TMEM62: variants seen among roughly 807,000 people sequenced by gnomAD.
TMEM62 encodes the protein transmembrane protein 62.
In TMEM62, 41 loss-of-function variants were observed where a neutral mutation model predicts 70.4. That is an observed-to-expected ratio of 0.58 (90% CI 0.45 to 0.76). The LOEUF is 0.76. Ranked by LOEUF, TMEM62 falls within the 30% of genes least tolerant of loss-of-function variation. TMEM62 has a pLI of 0.00. For missense variants in TMEM62, 688 were observed against 788.5 expected (o/e 0.87, Z 1.53); for synonymous variants, 268 against 291.0 (o/e 0.92, Z 0.80).
At chr15:43,167,451 GCGGCC>G (rs1284391731) in intron 10 of TMEM62, among the ~76,000 whole-genome samples, 3 of 151,894 alleles carry the variant, frequency 2.0e-5, no homozygotes, top group African/African-American at 7.3e-5. Context: ...CTCAGACGGG[GCGGCC>G]CGGCAGAGAC....
At chr15:43,134,477 C>A in intron 2 of TMEM62, 109 bp downstream of exon 2, 1 of 802,302 alleles carries the variant, frequency 1.2e-6, no homozygotes, top group Non-Finnish European at 2.1e-6. Context: ...ATAGCCACAG[C>A]CCCAGGTGAG....
intron 12 of TMEM62, among the ~76,000 whole-genome samples, chr15:43,179,566 A>C (rs1267694977): frequency 6.6e-6 from 1 of 152,234 alleles, no homozygotes. Flanking sequence ...CACATCTCTC[A>C]GAATGCATCC....
chr15:43,159,832 G>T (rs1259268708), intron 9 of TMEM62, among the ~76,000 whole-genome samples: 3 of 152,156 alleles, frequency 2.0e-5, no homozygotes, highest in Non-Finnish European at 4.4e-5. Flanking sequence ...AGCCTAGGTA[G>T]CTCATTACTG....
chr15:43,138,610 A>G lies in TMEM62; in HGVS notation c.467A>G (p.Asn156Ser). The G allele has an allele frequency of 6.2e-7, 1 of 1,604,896 alleles. No individual in the cohort carries two copies. The highest frequency in any genetic ancestry group is 8.5e-7 in the Non-Finnish European group (1 of 1,173,712). Residue 156 changes from asparagine (N) to serine (S), a missense_variant, in exon 4 of 14, where the codon AAT becomes AGT. Transcript: ENST00000260403. The stretch of plus-strand genomic sequence containing the variant: ...ATTCCAAGTCTGGACAGCATCAAGA[A>G]TTATTACAGGTACTGTAATAAACAG... Reference protein sequence around the residue: ...FNIPSLDSIKNYYRKYSAVRR... With the variant: ...FNIPSLDSIKSYYRKYSAVRR...
intron 6 of TMEM62, 38 bp downstream of exon 6, chr15:43,148,917 T>C (rs2037018760): frequency 6.2e-7 from 1 of 1,603,018 alleles, no homozygotes; most frequent in Non-Finnish European, 8.5e-7. Flanking sequence ...AATTTGTTTT[T>C]AGTTTTTTTA....
rs1270082176 is a variant in TMEM62 at position 43,178,728 on chromosome 15, A to T, written c.1486+17A>T. On this transcript the variant is annotated intron_variant, in intron 12 of 13. Coordinates refer to ENST00000260403, the MANE Select transcript of TMEM62 (RefSeq NM_024956.4). ...CAGTGCTGGGTAAGTAAATTAGTAC[A>T]GATTATGGGGAATTTTGCCAAAGAA... 6.7e-7 allele frequency: 1 copy of T among 1,495,454 alleles called. No individual in the cohort carries two copies. The highest frequency in any genetic ancestry group is 9.2e-7 in the Non-Finnish European group (1 of 1,088,530). The allele number at this position is 1,495,454 out of a possible 1,614,324, so 92.6% of individuals were successfully genotyped here. A position where few individuals can be genotyped will look rare whatever the true frequency, so the allele number is the denominator to read the frequency against.
At chr15:43,172,305 CTT>C (rs1165029728) in intron 11 of TMEM62, among the ~76,000 whole-genome samples, 1 of 152,122 alleles carries the variant, frequency 6.6e-6, no homozygotes, top group Non-Finnish European at 1.5e-5. Flanking sequence ...ATTCATCTAA[CTT>C]ATTTTTTAAC....
At chr15:43,159,950 T>A (rs577307338) in intron 9 of TMEM62, among the ~76,000 whole-genome samples, 23 of 152,146 alleles carry the variant, frequency 1.5e-4, no homozygotes, top group Non-Finnish European at 2.5e-4. Context: ...ACTCTTTAAA[T>A]GTAGAATTAT....
rs748149004 is a variant in TMEM62 at position 43,184,596 on chromosome 15, C to A, written c.*10C>A. ...CCACCTGAGCTCCTGAAGGCCATGT[C>A]TCACCACTGGCAGCTGGGCAGAAGC... On this transcript the variant is annotated 3_prime_UTR_variant, in exon 14 of 14. Coordinates refer to ENST00000260403, the MANE Select transcript of TMEM62 (RefSeq NM_024956.4). 1.2e-6 allele frequency: 2 copies of A among 1,605,144 alleles called. No individual in the cohort carries two copies. Among genetic ancestry groups the A allele is most frequent in the Non-Finnish European group, 1.7e-6 (2 of 1,178,330 alleles).
chr15:43,145,281 T>C (rs1427204727), intron 4 of TMEM62, among the ~76,000 whole-genome samples: 1 of 147,976 alleles, frequency 6.8e-6, no homozygotes, highest in African/African-American at 2.5e-5. Flanking sequence ...CTCCACTCAC[T>C]GCAAGCTCCG....
intron 1 of TMEM62, 109 bp from the exon 2 acceptor site, chr15:43,134,148 G>A (rs1042884084): frequency 5.1e-5 from 74 of 1,444,344 alleles, no homozygotes; most frequent in Non-Finnish European, 6.3e-5. Flanking sequence ...GGTTCGTTAT[G>A]CATTGCCTCT....
chr15:43,138,774 G>A (rs926337213), intron 4 of TMEM62, among the ~76,000 whole-genome samples, 155 bp downstream of exon 4: 1 of 152,140 alleles, frequency 6.6e-6, no homozygotes, highest in African/African-American at 2.4e-5. Flanking sequence ...GAGCTCAAAC[G>A]ATCCTCCTGC....
intron 9 of TMEM62, among the ~76,000 whole-genome samples, chr15:43,155,213 G>C (rs1007850718): frequency 1.3e-5 from 2 of 152,070 alleles, no homozygotes; most frequent in African/African-American, 2.4e-5. Context: ...CTGGGCAACA[G>C]AGCCAGACCC....
At chr15:43,136,723 G>T (rs1433530523) in intron 3 of TMEM62, among the ~76,000 whole-genome samples, 1 of 151,766 alleles carries the variant, frequency 6.6e-6, no homozygotes, top group Non-Finnish European at 1.5e-5. Context: ...TTCTAAAGTG[G>T]TGGGATTACA....
chr15:43,136,990 T>C (rs1182346830), intron 3 of TMEM62, among the ~76,000 whole-genome samples: 2 of 152,108 alleles, frequency 1.3e-5, no homozygotes, highest in African/African-American at 4.8e-5. Context: ...TGGGCTCAAG[T>C]GATCCTCCTA....
At position 43,151,772 on chromosome 15, in the gene TMEM62, T is replaced by C. The variant is rs1414955032; in HGVS notation, c.867-18T>C. ...AATGTGAAGTGACTAAATTACCTTA[T>C]CATTATCTGGTCTTTAGGTACCGGA... On this transcript the variant is annotated intron_variant, in intron 7 of 13. Transcript: ENST00000260403. The C allele has an allele frequency of 6.2e-7, 1 of 1,610,416 alleles. No homozygotes were observed. The highest frequency in any genetic ancestry group is 8.5e-7 in the Non-Finnish European group (1 of 1,178,396).
Position 43,146,595 on chromosome 15 carries a change from G to C in TMEM62, c.579G>C (p.Gly193=). 2 of 1,612,860 alleles carry C rather than the reference G, an allele frequency of 1.2e-6. No individual in the cohort carries two copies. The highest frequency in any genetic ancestry group is 1.7e-6 in the Non-Finnish European group (2 of 1,179,470). ...GTGTAGATGCCACTGTAAATCCAGG[G>C]CCTAAGAGACCCTATAATTTCTTTG... is the stretch of plus-strand genomic sequence containing the variant. ...FICVDATVNP[G]PKRPYNFFGI... The change falls in exon 5 of 14, where the codon GGG becomes GGC. Residue 193 remains glycine (G), a synonymous_variant. Transcript: ENST00000260403.
At position 43,135,603 on chromosome 15, in the gene TMEM62, A is replaced by G. The variant is rs2035102426; in HGVS notation, c.384A>G (p.Thr128=). 2 of 1,608,466 alleles carry G rather than the reference A, an allele frequency of 1.2e-6. No homozygotes were observed. Among genetic ancestry groups the G allele is most frequent in the East Asian group, 4.5e-5 (2 of 44,630 alleles). ...CCTACCAGGGTATTCTGAAGAAGAC[A>G]AGAGTCATGGAAAAAACCAAGTGGC... is the stretch of plus-strand genomic sequence containing the variant. ...WQTYQGILKK[T]RVMEKTKWLD... Residue 128 remains threonine, a synonymous_variant, in exon 3 of 14, where the codon ACA becomes ACG. Coordinates refer to ENST00000260403, the MANE Select transcript of TMEM62 (RefSeq NM_024956.4).
chr15:43,167,114 G>A (rs1217979819), intron 10 of TMEM62, among the ~76,000 whole-genome samples: 1 of 151,924 alleles, frequency 6.6e-6, no homozygotes, highest in Non-Finnish European at 1.5e-5. Context: ...AGGGGCGGCT[G>A]GGCAGAGGCG....
Sources: gnomAD v4.1 joint callset for allele counts (sites outside exome capture counted in the v4.1 genomes callset) on GRCh38, gnomAD v4.1.1 for gene constraint, MANE v1.5 for transcripts, NCBI Gene and HGNC (gene_info 2026-07-23, HGNC 2026-07-21) for gene names.